MECOM: variants seen among roughly 807,000 people sequenced by gnomAD.
The protein encoded by MECOM is MDS1 and EVI1 complex locus, also known as histone-lysine N-methyltransferase MECOM.
Under a neutral mutation model 116.3 loss-of-function variants are expected in MECOM, and 13 were observed. The observed-to-expected ratio is 0.11, with a 90% CI of 0.07 to 0.18. The LOEUF (loss-of-function observed/expected upper bound fraction) is 0.18, where lower values mean the gene tolerates loss of function less well. Among genes scored for constraint, MECOM ranks in the 10% least tolerant of loss-of-function variants. MECOM has a pLI of 1.00. For synonymous variants in MECOM, 528 were observed against 535.2 expected, an observed-to-expected ratio of 0.99 and a Z score of 0.19; for missense variants, 1,299 against 1,509.0, an observed-to-expected ratio of 0.86 and a Z score of 2.31.
At chr3:169,568,672 C>T (rs1037122953) in intron 1 of MECOM, among the ~76,000 whole-genome samples, 1 of 152,216 alleles carries the variant, frequency 6.6e-6, no homozygotes, top group Non-Finnish European at 1.5e-5. Flanking sequence ...TCTCTAGATT[C>T]CTCATCTCTG....
At chr3:169,219,549 C>G (rs1751854977) in intron 2 of MECOM, among the ~76,000 whole-genome samples, 1 of 151,884 alleles carries the variant, frequency 6.6e-6, no homozygotes, top group South Asian at 2.1e-4. Context: ...GAGATCATTC[C>G]TAGGTTAGAA....
At chr3:169,446,174 G>A (rs1185326046) in intron 1 of MECOM, among the ~76,000 whole-genome samples, 1 of 152,060 alleles carries the variant, frequency 6.6e-6, no homozygotes, top group East Asian at 1.9e-4. Context: ...AGATTTGGAG[G>A]GGCCATGGGT....
intron 1 of MECOM, among the ~76,000 whole-genome samples, chr3:169,395,088 G>T (rs1330951642): frequency 1.3e-5 from 2 of 152,172 alleles, no homozygotes; most frequent in African/African-American, 2.4e-5. Context: ...CAACAAAGTT[G>T]CATAAATATT....
intron 2 of MECOM, among the ~76,000 whole-genome samples, chr3:169,150,318 G>A (rs937524463): frequency 6.6e-6 from 1 of 152,164 alleles, no homozygotes; most frequent in African/African-American, 2.4e-5. Flanking sequence ...CCATCAGAAG[G>A]TTTCTAAAAC....
intron 1 of MECOM, among the ~76,000 whole-genome samples, chr3:169,472,407 G>GAGGAGAGGAGAGGAAAGGAAAGGAA (rs1749419209): frequency 7.0e-6 from 1 of 141,934 alleles, no homozygotes; most frequent in Admixed American, 7.5e-5. Context: ...TAATAGAGGA[G>GAGGAGAGGAGAGGAAAGGAAAGGAA]AGGAGAGGAG....
rs759706522 is a variant in MECOM, at chr3:169,102,204, G to A, written c.2627C>T (p.Ala876Val). Residue 876 changes from alanine to valine, a missense_variant, in exon 11 of 17, where the codon GCA becomes GTA. Coordinates refer to ENST00000651503, the MANE Select transcript of MECOM (RefSeq NM_004991.4). ...RTWMSAIENM[A>V]EKLESFSALK... ...GGCACTGAAGCTCTCTAGCTTTTCT[G>A]CCATGTTTTCAATAGCTGACATCTG... is the stretch of plus-strand genomic sequence containing the variant. The A allele has an allele frequency of 6.2e-7, 1 of 1,613,152 alleles. No individual in the cohort carries two copies. Among genetic ancestry groups the A allele is most frequent in the Non-Finnish European group, 8.5e-7 (1 of 1,179,440 alleles).
At position 169,406,265 on chromosome 3, in the gene MECOM, TC is replaced by T. The variant is rs1736680475; in HGVS notation, c.38-24742del. ...ACGCTTTTGGAAAACCAGATCCTGT[TC>T]CTGGCACTGTCACTAATTAACTGGG... On this transcript the variant is annotated intron_variant, in intron 1 of 16. Coordinates refer to ENST00000651503, the MANE Select transcript of MECOM (RefSeq NM_004991.4). Among the ~76,000 whole-genome samples the T allele has an allele frequency of 4.6e-5, 7 of 152,350 alleles. No homozygotes were observed. The South Asian group carries it at 1.5e-3, about 32-fold the overall frequency.
intron 1 of MECOM, among the ~76,000 whole-genome samples, chr3:169,471,690 G>A (rs141592960): frequency 7.8e-4 from 119 of 152,210 alleles, no homozygotes; most frequent in African/African-American, 2.7e-3. Flanking sequence ...ATAATTTCTT[G>A]TTTATTCTTT....
chr3:169,642,615 C>G (rs1773639157), intron 1 of MECOM, among the ~76,000 whole-genome samples: 1 of 151,462 alleles, frequency 6.6e-6, no homozygotes, highest in African/African-American at 2.4e-5. Context: ...GGAGAGTCAC[C>G]ATGGTTATGG....
At chr3:169,338,330 G>A (rs1382486524) in intron 2 of MECOM, among the ~76,000 whole-genome samples, 1 of 152,120 alleles carries the variant, frequency 6.6e-6, no homozygotes, top group Non-Finnish European at 1.5e-5. Flanking sequence ...GCCTTACAGA[G>A]TGTAATAATT....
chr3:169,167,103 T>C (rs2149360968), intron 2 of MECOM, among the ~76,000 whole-genome samples: 1 of 152,286 alleles, frequency 6.6e-6, no homozygotes, highest in East Asian at 1.9e-4. Context: ...GCCTCCCAAG[T>C]AGCCGAAACC....
chr3:169,420,085 C>T (rs1461773237), intron 1 of MECOM, among the ~76,000 whole-genome samples: 6 of 152,188 alleles, frequency 3.9e-5, no homozygotes, highest in Non-Finnish European at 5.9e-5. Context: ...GTTAGAATGG[C>T]GATCATTAAA....
intron 1 of MECOM, among the ~76,000 whole-genome samples, chr3:169,603,354 T>C (rs1768060791): frequency 6.6e-6 from 1 of 152,228 alleles, no homozygotes; most frequent in African/African-American, 2.4e-5. Flanking sequence ...GTTTAAGCTG[T>C]TAGCACAGGA....
At chr3:169,374,543 G>T (rs1393825503) in intron 2 of MECOM, among the ~76,000 whole-genome samples, 2 of 152,018 alleles carry the variant, frequency 1.3e-5, no homozygotes, top group Middle Eastern at 6.8e-3. Flanking sequence ...AAATAATCTG[G>T]ATACTACACA....
At chr3:169,324,645 G>A (rs1036596066) in intron 2 of MECOM, among the ~76,000 whole-genome samples, 5 of 152,182 alleles carry the variant, frequency 3.3e-5, no homozygotes, top group African/African-American at 4.8e-5. Flanking sequence ...GCAGATCCTC[G>A]GATTCTCCCT....
At chr3:169,381,601 A>G in intron 1 of MECOM, 77 bp from the exon 2 acceptor site, 1 of 1,112,246 alleles carries the variant, frequency 9.0e-7, no homozygotes. Context: ...CCACCTTATT[A>G]TGTTGTTCTT....
chr3:169,572,996 C>T (rs1202147253), intron 1 of MECOM, among the ~76,000 whole-genome samples: 2 of 152,038 alleles, frequency 1.3e-5, no homozygotes, highest in Non-Finnish European at 2.9e-5. Flanking sequence ...AATGCTATCA[C>T]ATACACAGCC....
In MECOM at chr3:169,360,800, C is replaced by T. The variant is rs557688964; in HGVS notation, c.375+20387G>A. 2.6e-5 allele frequency among the ~76,000 whole-genome samples: 4 copies of T among 151,792 alleles called. No homozygotes were observed. In the East Asian group the frequency reaches 7.8e-4, roughly 30 times the overall value. ...TTCATTTAAGACAAAACACTGATGC[C>T]TTGGGAAGATACTTGCTGTCATGAG... On this transcript the variant is annotated intron_variant, in intron 2 of 16. Transcript: ENST00000651503.
chr3:169,414,396 T>C (rs997605338), intron 1 of MECOM, among the ~76,000 whole-genome samples: 1 of 151,694 alleles, frequency 6.6e-6, no homozygotes. Context: ...GGAGCAAAGA[T>C]GAAAGGTAGA....
Sources: gnomAD v4.1 joint callset for allele counts (sites outside exome capture counted in the v4.1 genomes callset) on GRCh38, gnomAD v4.1.1 for gene constraint, MANE v1.5 for transcripts, NCBI Gene and HGNC (gene_info 2026-07-23, HGNC 2026-07-21) for gene names.